The following PTPN14 variants were observed in gnomAD, a reference collection of about 807,000 sequenced individuals.
PTPN14 encodes protein tyrosine phosphatase non-receptor type 14.
In PTPN14, 53 loss-of-function variants were observed where a neutral mutation model predicts 126.8. The observed-to-expected ratio is 0.42, with a 90% CI of 0.34 to 0.53. The LOEUF is 0.53. Ranked by LOEUF, PTPN14 falls within the 20% of genes least tolerant of loss-of-function variation. The probability of loss-of-function intolerance (pLI) is 0.08; values close to 1 mark genes in which losing one functional copy is unlikely to be tolerated. For synonymous variants in PTPN14, 630 were observed against 599.3 expected, an observed-to-expected ratio of 1.05 and a Z score of -0.75; for missense variants, 1,257 against 1,552.9, an observed-to-expected ratio of 0.81 and a Z score of 3.20.
chr1:214,399,582 G>A (rs986904442), intron 7 of PTPN14, among the ~76,000 whole-genome samples: 4 of 152,182 alleles, frequency 2.6e-5, no homozygotes, highest in African/African-American at 9.7e-5. Context: ...TCTGCACAGA[G>A]GCCAAAACTT....
chr1:214,544,197 A>C (rs1655911993), intron 1 of PTPN14, among the ~76,000 whole-genome samples: 1 of 151,920 alleles, frequency 6.6e-6, no homozygotes, highest in Non-Finnish European at 1.5e-5. Context: ...AAGCCAAAGT[A>C]GGAGGATCGC....
chr1:214,532,871 G>T lies in PTPN14; in HGVS notation c.-155+18312C>A. The T allele has an allele frequency of 2.9e-6, 3 of 1,043,994 alleles. No homozygotes were observed. In the East Asian group the frequency reaches 7.1e-5, roughly 25 times the overall value. 64.7% of individuals were successfully genotyped at this position (1,043,994 alleles called of 1,614,324 possible). A position where few individuals can be genotyped will look rare whatever the true frequency, so the allele number is the denominator to read the frequency against. ...CTACAAGCCCAGATTGCCAGCTCTG[G>T]GTTGACCATGGAGGTTGATGCCCCC... On this transcript the variant is annotated intron_variant, in intron 1 of 18. Transcript: ENST00000366956.
intron 3 of PTPN14, among the ~76,000 whole-genome samples, chr1:214,428,403 C>T (rs1435235724): frequency 1.3e-5 from 2 of 152,220 alleles, no homozygotes; most frequent in African/African-American, 4.8e-5. Flanking sequence ...ATTATAACCA[C>T]ATAATCTTTC....
At chr1:214,418,630 A>C (rs1659476796) in intron 3 of PTPN14, among the ~76,000 whole-genome samples, 1 of 152,274 alleles carries the variant, frequency 6.6e-6, no homozygotes, top group African/African-American at 2.4e-5. Context: ...TGATGCTTCT[A>C]AAGAAGGGCT....
intron 7 of PTPN14, among the ~76,000 whole-genome samples, chr1:214,398,561 C>T (rs1658939716): frequency 6.6e-6 from 1 of 151,544 alleles, no homozygotes; most frequent in Non-Finnish European, 1.5e-5. Context: ...ATCCTCCTAC[C>T]TTAGTCTCCC....
rs1659020031 is a variant in PTPN14 at position 214,401,605 on chromosome 1, C to T, written c.669+80G>A. The stretch of plus-strand genomic sequence containing the variant: ...AAAAAGAAGGCCAAGCCATTCTGGC[C>T]CACTGCTATCAACAATGGTTTTCCA... On this transcript the variant is annotated intron_variant, in intron 7 of 18. Coordinates refer to ENST00000366956, the MANE Select transcript of PTPN14 (RefSeq NM_005401.5). 7.3e-6 allele frequency: 9 copies of T among 1,239,448 alleles called. No individual in the cohort carries two copies. In the South Asian group the frequency reaches 1.2e-4, roughly 17 times the overall value. The allele number at this position is 1,239,448 out of a possible 1,614,324, so 76.8% of individuals were successfully genotyped here.
At chr1:214,374,618 AG>A (rs34345897) in intron 15 of PTPN14, among the ~76,000 whole-genome samples, 1 of 152,206 alleles carries the variant, frequency 6.6e-6, no homozygotes, top group Non-Finnish European at 1.5e-5. Flanking sequence ...CTTGGAACCC[AG>A]GGGGGAAAAC....
chr1:214,435,736 A>C (rs1374059964), intron 3 of PTPN14, among the ~76,000 whole-genome samples: 1 of 152,208 alleles, frequency 6.6e-6, no homozygotes, highest in Non-Finnish European at 1.5e-5. Context: ...GGCTATTATT[A>C]AAAAGTCAAA....
chr1:214,368,912 G>A (rs1658149269), intron 17 of PTPN14, among the ~76,000 whole-genome samples: 2 of 152,138 alleles, frequency 1.3e-5, no homozygotes, highest in African/African-American at 4.8e-5. Context: ...AATCTGAGAG[G>A]CGGAGGTTGC....
intron 1 of PTPN14, among the ~76,000 whole-genome samples, chr1:214,491,087 A>C (rs931392815): frequency 6.6e-6 from 1 of 151,018 alleles, no homozygotes; most frequent in African/African-American, 2.5e-5. Flanking sequence ...GAAAGAAAGA[A>C]AGACAAATTG....
At chr1:214,504,507 G>A (rs964136150) in intron 1 of PTPN14, among the ~76,000 whole-genome samples, 21 of 152,256 alleles carry the variant, frequency 1.4e-4, no homozygotes, top group Admixed American at 3.9e-4. Context: ...CCAACTTGAC[G>A]CAAGCAAATG....
At chr1:214,486,215 C>T (rs1661109167) in intron 1 of PTPN14, among the ~76,000 whole-genome samples, 1 of 152,170 alleles carries the variant, frequency 6.6e-6, no homozygotes, top group Non-Finnish European at 1.5e-5. Flanking sequence ...CTATGGAGCA[C>T]TTCCTCCATA....
At chr1:214,479,619 G>A (rs963879487) in intron 1 of PTPN14, among the ~76,000 whole-genome samples, 12 of 151,774 alleles carry the variant, frequency 7.9e-5, no homozygotes, top group South Asian at 2.1e-4. Context: ...GATTACAGGC[G>A]TCAGCCACCG....
chr1:214,435,947 C>T (rs1242358800), intron 3 of PTPN14, among the ~76,000 whole-genome samples: 3 of 152,088 alleles, frequency 2.0e-5, no homozygotes, highest in East Asian at 3.8e-4. Flanking sequence ...TGCACATGTA[C>T]GTTCACTGCA....
At chr1:214,487,490 G>A (rs192090119) in intron 1 of PTPN14, among the ~76,000 whole-genome samples, 2 of 152,244 alleles carry the variant, frequency 1.3e-5, no homozygotes, top group East Asian at 3.9e-4. Context: ...GCCAGGCATA[G>A]TGGCATGTGC....
At chr1:214,431,256 G>A (rs1401688402) in intron 3 of PTPN14, among the ~76,000 whole-genome samples, 1 of 152,142 alleles carries the variant, frequency 6.6e-6, no homozygotes, top group South Asian at 2.1e-4. Flanking sequence ...ACAAAGGAAG[G>A]AAAATGATGA....
intron 13 of PTPN14, among the ~76,000 whole-genome samples, chr1:214,379,677 C>A (rs1658428052): frequency 6.6e-6 from 1 of 152,246 alleles, no homozygotes; most frequent in South Asian, 2.1e-4. Context: ...TATCTGATTG[C>A]CTCCTTTGGA....
chr1:214,391,967 C>T (rs1055925163), intron 10 of PTPN14, among the ~76,000 whole-genome samples: 3 of 152,124 alleles, frequency 2.0e-5, no homozygotes, highest in Non-Finnish European at 4.4e-5. Context: ...CTCAATTGAG[C>T]TATACCTCCA....
chr1:214,463,874 A>C (rs1028070062), intron 2 of PTPN14, among the ~76,000 whole-genome samples: 6 of 152,188 alleles, frequency 3.9e-5, no homozygotes, highest in Non-Finnish European at 8.8e-5. Flanking sequence ...GACAGCTCTC[A>C]AGACACAGAT....
Sources: gnomAD v4.1 joint callset for allele counts (sites outside exome capture counted in the v4.1 genomes callset) on GRCh38, gnomAD v4.1.1 for gene constraint, MANE v1.5 for transcripts, NCBI Gene and HGNC (gene_info 2026-07-23, HGNC 2026-07-21) for gene names.